PIK3AP1: variants seen among roughly 807,000 people sequenced by gnomAD.
The protein encoded by PIK3AP1 is phosphoinositide-3-kinase adaptor protein 1.
A neutral mutation model predicts 88.1 loss-of-function variants in PIK3AP1; 21 were observed. That is an observed-to-expected ratio of 0.24 (90% CI 0.17 to 0.34). The LOEUF (loss-of-function observed/expected upper bound fraction) is 0.34. Among genes scored for constraint, PIK3AP1 ranks in the 10% least tolerant of loss-of-function variants. The probability of loss-of-function intolerance (pLI) is 1.00; values close to 1 mark genes in which losing one functional copy is unlikely to be tolerated. For synonymous variants in PIK3AP1, 398 were observed against 400.0 expected, an observed-to-expected ratio of 1.00 and a Z score of 0.06; for missense variants, 828 against 1,035.7, an observed-to-expected ratio of 0.80 and a Z score of 2.75.
intron 8 of PIK3AP1, among the ~76,000 whole-genome samples, chr10:96,645,165 G>C (rs367568048): frequency 2.0e-5 from 3 of 152,156 alleles, no homozygotes; most frequent in East Asian, 3.8e-4. Flanking sequence ...GTTATAAAAA[G>C]GACCCCTGGA....
chr10:96,697,123 G>T (rs542524517), intron 2 of PIK3AP1, among the ~76,000 whole-genome samples: 1 of 152,298 alleles, frequency 6.6e-6, no homozygotes, highest in East Asian at 1.9e-4. Context: ...CATAAAGATT[G>T]TAGTAACCTA....
chr10:96,605,653 T>G (rs1483301468), intron 14 of PIK3AP1, among the ~76,000 whole-genome samples: 2 of 152,228 alleles, frequency 1.3e-5, no homozygotes, highest in East Asian at 3.8e-4. Flanking sequence ...TGGTATCAAC[T>G]TTGACCGAAT....
intron 14 of PIK3AP1, among the ~76,000 whole-genome samples, chr10:96,608,893 GT>G (rs1849051251): frequency 6.6e-6 from 1 of 152,226 alleles, no homozygotes; most frequent in Non-Finnish European, 1.5e-5. Context: ...TTTCCTAGCT[GT>G]TTTATTAGCA....
chr10:96,620,595 C>G (rs377272966), intron 11 of PIK3AP1, 38 bp from the exon 12 acceptor site: 68 of 1,574,324 alleles, frequency 4.3e-5, no homozygotes, highest in Middle Eastern at 4.5e-4. Context: ...ACAGCTCCCC[C>G]ACTGGGGACC....
intron 2 of PIK3AP1, among the ~76,000 whole-genome samples, chr10:96,677,323 C>A (rs1052727516): frequency 6.6e-6 from 1 of 152,100 alleles, no homozygotes; most frequent in Non-Finnish European, 1.5e-5. Context: ...GGTTTCTTTG[C>A]AAATCCAAAT....
chr10:96,664,414 T>C (rs947632937), intron 2 of PIK3AP1, among the ~76,000 whole-genome samples: 2 of 152,216 alleles, frequency 1.3e-5, no homozygotes, highest in Admixed American at 6.5e-5. Context: ...TTTATGTATT[T>C]TAGTATTTTC....
rs1202396739 is a variant in PIK3AP1, at chr10:96,609,738, T to C, written c.2144A>G (p.Lys715Arg). ...PRTELRRGDWKTDSTSSTASS... is the reference protein window; with the variant it reads ...PRTELRRGDWRTDSTSSTASS... ...TGCTGTGCTGGAGGTGCTGTCTGTT[T>C]TCCAGTCTCCTCGTCTCAGCTCCGT... Residue 715 changes from lysine to arginine, a missense_variant, in exon 14 of 17, where the codon AAA (lysine) becomes AGA (arginine). Lys to Arg is a conservative substitution (Grantham distance 26, BLOSUM62 2). This residue lies in a region of PIK3AP1 where 191 missense variants were observed against 208.6 expected (regional missense o/e 0.92). Transcript: ENST00000339364. 2 of 1,614,050 alleles carry C rather than the reference T, an allele frequency of 1.2e-6. No homozygotes were observed. The highest frequency in any genetic ancestry group is 2.2e-5 in the South Asian group (2 of 91,068).
At chr10:96,690,436 A>T (rs76798878) in intron 2 of PIK3AP1, among the ~76,000 whole-genome samples, 1 of 151,360 alleles carries the variant, frequency 6.6e-6, no homozygotes, top group Admixed American at 6.6e-5. Flanking sequence ...CTAATTTTTT[A>T]TTTTTTTTGT....
chr10:96,629,481 GAA>G (rs1317873754), intron 8 of PIK3AP1, among the ~76,000 whole-genome samples: 3 of 151,908 alleles, frequency 2.0e-5, no homozygotes, highest in Non-Finnish European at 2.9e-5. Flanking sequence ...TGATGAATCT[GAA>G]GATTCAGAAT....
intron 3 of PIK3AP1, among the ~76,000 whole-genome samples, 177 bp downstream of exon 3, chr10:96,656,621 A>C (rs1843618070): frequency 1.3e-5 from 2 of 152,172 alleles, no homozygotes; most frequent in African/African-American, 2.4e-5. Flanking sequence ...TCTCTTACTC[A>C]GGGGAGCTGG....
At chr10:96,658,700 T>C (rs545406687) in intron 2 of PIK3AP1, among the ~76,000 whole-genome samples, 1 of 152,248 alleles carries the variant, frequency 6.6e-6, no homozygotes, top group African/African-American at 2.4e-5. Context: ...CATGTACTCT[T>C]GCCACTATTC....
chr10:96,675,961 A>C (rs1465286978), intron 2 of PIK3AP1, among the ~76,000 whole-genome samples: 1 of 152,228 alleles, frequency 6.6e-6, no homozygotes, highest in Non-Finnish European at 1.5e-5. Context: ...GCAGTATCAC[A>C]ATTCAAACAA....
chr10:96,639,156 T>G (rs928448414), intron 8 of PIK3AP1, among the ~76,000 whole-genome samples: 6 of 152,170 alleles, frequency 3.9e-5, no homozygotes, highest in African/African-American at 1.4e-4. Flanking sequence ...CACCCTGAGA[T>G]GTCTCACACT....
At chr10:96,701,505 T>A (rs994361781) in intron 2 of PIK3AP1, among the ~76,000 whole-genome samples, 2 of 152,206 alleles carry the variant, frequency 1.3e-5, no homozygotes, top group African/African-American at 4.8e-5. Context: ...AAACACCTGA[T>A]GCATTACACA....
intron 14 of PIK3AP1, among the ~76,000 whole-genome samples, chr10:96,608,631 C>G (rs1849044119): frequency 6.6e-6 from 1 of 152,240 alleles, no homozygotes; most frequent in Admixed American, 6.5e-5. Context: ...CTCAGAGGTT[C>G]TTGACCTAAG....
chr10:96,599,189 G>A lies in PIK3AP1; in HGVS notation c.2360+3091C>T, dbSNP rs530288640. On this transcript the variant is annotated intron_variant, in intron 16 of 16. Transcript: ENST00000339364. ...CACACTGGATATGAGAGCTGTGAGG[G>A]GGGCAGGGATCAAGGATGACTCCCA... 2.4e-4 allele frequency among the ~76,000 whole-genome samples: 36 copies of A among 152,256 alleles called. No homozygotes were observed. In the South Asian group the frequency reaches 6.2e-3, roughly 26 times the overall value.
chr10:96,644,918 T>C (rs549462072), intron 8 of PIK3AP1, among the ~76,000 whole-genome samples: 2 of 152,284 alleles, frequency 1.3e-5, no homozygotes, highest in South Asian at 4.2e-4. Context: ...TTCCCATCAT[T>C]TGAGCCACCA....
chr10:96,683,179 T>C (rs1013038486), intron 2 of PIK3AP1, among the ~76,000 whole-genome samples: 5 of 152,246 alleles, frequency 3.3e-5, no homozygotes, highest in Admixed American at 2.0e-4. Flanking sequence ...AATAAATAAA[T>C]AAAACAAGGT....
chr10:96,601,226 C>T (rs1848883670), intron 16 of PIK3AP1, among the ~76,000 whole-genome samples: 1 of 152,086 alleles, frequency 6.6e-6, no homozygotes, highest in Non-Finnish European at 1.5e-5. Context: ...GTAATCCCAG[C>T]ACTTTGGGAG....
Sources: gnomAD v4.1 joint callset for allele counts (sites outside exome capture counted in the v4.1 genomes callset) on GRCh38, gnomAD v4.1.1 for gene constraint, gnomAD v4.1.1 regional missense constraint, MANE v1.5 for transcripts, NCBI Gene and HGNC (gene_info 2026-07-23, HGNC 2026-07-21) for gene names.